Variants in KIRREL3 observed in about 807,000 individuals in gnomAD.
KIRREL3 encodes kirre like nephrin family adhesion molecule 3.
Under a neutral mutation model 89.7 loss-of-function variants are expected in KIRREL3, and 36 were observed. The ratio of observed to expected loss-of-function variants is 0.40; its 90% confidence interval spans 0.31 to 0.53. The LOEUF (loss-of-function observed/expected upper bound fraction) is 0.53, where lower values mean the gene tolerates loss of function less well. Among genes scored for constraint, KIRREL3 ranks in the 20% least tolerant of loss-of-function variants. KIRREL3 has a pLI of 0.49. For synonymous variants in KIRREL3, 445 were observed against 441.4 expected (o/e 1.01, Z -0.10); for missense variants, 864 against 1,056.6 (o/e 0.82, Z 2.53).
Position 126,948,788 on chromosome 11 carries a change from T to C in KIRREL3, c.55+51667A>G, listed in dbSNP as rs1039105963. Among the ~76,000 whole-genome samples, 8 of 152,190 alleles carry C rather than the reference T, an allele frequency of 5.3e-5. No individual in the cohort carries two copies. The highest frequency in any genetic ancestry group is 5.9e-5 in the Non-Finnish European group (4 of 68,030). ...GTTCAACTCCAGCAAGGCAGACAGC[T>C]GGATATGGGGAGGAGTTCAGAAGCC... is the stretch of plus-strand genomic sequence containing the variant. On this transcript the variant is annotated intron_variant, in intron 1 of 16. Transcript: ENST00000525144. This position sits in a 1 kb window ranked among gnomAD's most constrained non-coding sequence, Gnocchi z 4.5.
At chr11:126,777,530 C>G (rs917292785) in intron 1 of KIRREL3, among the ~76,000 whole-genome samples, 4 of 152,182 alleles carry the variant, frequency 2.6e-5, no homozygotes, top group South Asian at 4.1e-4. Context: ...GCAGAGCTGA[C>G]TCCCAGCACA....
At chr11:126,716,198 G>A (rs534543552) in intron 1 of KIRREL3, among the ~76,000 whole-genome samples, 2 of 152,070 alleles carry the variant, frequency 1.3e-5, no homozygotes, top group African/African-American at 4.8e-5. Context: ...TTGGGAAGGA[G>A]AGGGAGGCGG....
chr11:126,755,823 CAGAGAGAGAGAG>C lies in KIRREL3; in HGVS notation c.56-192923_56-192912del, dbSNP rs10616492. Among the ~76,000 whole-genome samples the C allele has an allele frequency of 0.24, 36,063 of 147,948 alleles. 4,295 individuals are homozygous for C. The highest frequency in any genetic ancestry group is 0.32 in the South Asian group (1,451 of 4,568). Reference sequence around the variant, plus strand: ...GCGTGCTCGCCATCTGCCATTCAGGCAGAGAGAGAGAGAGAGAGAGAGAGAGAGAGAGGGAGA... The same window carrying C: ...GCGTGCTCGCCATCTGCCATTCAGGCAGAGAGAGAGAGAGAGAGAGGGAGA... On this transcript the variant is annotated intron_variant, in intron 1 of 16. Transcript: ENST00000525144. This position sits in a 1 kb window ranked among gnomAD's most constrained non-coding sequence, Gnocchi z 4.3.
chr11:126,804,068 G>T (rs1592151024), intron 1 of KIRREL3, among the ~76,000 whole-genome samples: 1 of 152,158 alleles, frequency 6.6e-6, no homozygotes, highest in East Asian at 1.9e-4. Context: ...ATGCATGTTT[G>T]CTTGGGAATA....
chr11:126,938,046 T>G (rs1211153441), intron 1 of KIRREL3, among the ~76,000 whole-genome samples: 4 of 152,162 alleles, frequency 2.6e-5, no homozygotes, highest in Non-Finnish European at 5.9e-5. Context: ...TGGCAGCATC[T>G]CCCTAGAAGC....
intron 1 of KIRREL3, among the ~76,000 whole-genome samples, chr11:126,616,751 C>T (rs993078444): frequency 1.3e-5 from 2 of 152,314 alleles, no homozygotes; most frequent in South Asian, 2.1e-4. Flanking sequence ...CAGTGATCCT[C>T]GAGCCTTAGC....
chr11:126,426,439 A>C (rs1055276879), intron 15 of KIRREL3, among the ~76,000 whole-genome samples: 4 of 152,176 alleles, frequency 2.6e-5, no homozygotes, highest in African/African-American at 9.7e-5. Context: ...TTGGGATGGA[A>C]TCTCTTAATT....
In KIRREL3 at chr11:126,491,570, T is replaced by C. The variant is rs760486112; in HGVS notation, c.434-18104A>G. On this transcript the variant is annotated intron_variant, in intron 4 of 16. Transcript: ENST00000525144. This position sits in a 1 kb window ranked among gnomAD's most constrained non-coding sequence, Gnocchi z 5.5. ...GCCATATCAGGAACACCTGCCCATGTCTGTCCCCAGAGAGAAGACCCAGGA... is the reference window on the plus strand; with the variant it reads ...GCCATATCAGGAACACCTGCCCATGCCTGTCCCCAGAGAGAAGACCCAGGA... 6.6e-6 allele frequency among the ~76,000 whole-genome samples: 1 copy of C among 152,190 alleles called. No individual in the cohort carries two copies. Among genetic ancestry groups the C allele is most frequent in the African/African-American group, 2.4e-5 (1 of 41,456 alleles).
chr11:126,871,992 A>T (rs1945124791), intron 1 of KIRREL3, among the ~76,000 whole-genome samples: 2 of 152,206 alleles, frequency 1.3e-5, no homozygotes, highest in Admixed American at 6.5e-5. Flanking sequence ...TGGACTTTGT[A>T]CTTAATGCAG....
At position 126,703,200 on chromosome 11, in the gene KIRREL3, C is replaced by T. The variant is rs1181485368; in HGVS notation, c.56-140288G>A. 6.6e-6 allele frequency among the ~76,000 whole-genome samples: 1 copy of T among 152,238 alleles called. No individual in the cohort carries two copies. Among genetic ancestry groups the T allele is most frequent in the African/African-American group, 2.4e-5 (1 of 41,474 alleles). On this transcript the variant is annotated intron_variant, in intron 1 of 16. Transcript: ENST00000525144. The surrounding 1 kb of genome is among the most constrained non-coding windows in gnomAD (Gnocchi z 4.6). ...CAGCCGTGCTGCTTCCTGCCATTTA[C>T]TCCATCTGACCTACTTCACAGGCTG... is the stretch of plus-strand genomic sequence containing the variant.
At chr11:126,510,106 A>C (rs1016776033) in intron 4 of KIRREL3, among the ~76,000 whole-genome samples, 1 of 152,058 alleles carries the variant, frequency 6.6e-6, no homozygotes, top group Non-Finnish European at 1.5e-5. Context: ...TGGGGCTGAA[A>C]TTGTCTGGGC....
rs965706153 is a variant in KIRREL3 at position 126,519,772 on chromosome 11, A to T, written c.433+1543T>A. Among the ~76,000 whole-genome samples the T allele has an allele frequency of 6.6e-6, 1 of 152,150 alleles. No homozygotes were observed. The highest frequency in any genetic ancestry group is 2.4e-5 in the African/African-American group (1 of 41,434). ...TGCAATCCTCAAAATCAGAAACAAT[A>T]TGAGGCCCTAATTCCTCCTCCTCTC... On this transcript the variant is annotated intron_variant, in intron 4 of 16. Coordinates refer to ENST00000525144, the MANE Select transcript of KIRREL3 (RefSeq NM_032531.4). The surrounding 1 kb of genome is among the most constrained non-coding windows in gnomAD (Gnocchi z 4.3).
chr11:126,808,095 G>T lies in KIRREL3; in HGVS notation c.55+192360C>A, dbSNP rs1277436218. On this transcript the variant is annotated intron_variant, in intron 1 of 16. Coordinates refer to ENST00000525144, the MANE Select transcript of KIRREL3 (RefSeq NM_032531.4). This position sits in a 1 kb window ranked among gnomAD's most constrained non-coding sequence, Gnocchi z 4.1. ...AGATGTTGCACTGCAAGTGGTAGAT[G>T]CTCTCCAGGCCAGCTGCAGGACTGC... Among the ~76,000 whole-genome samples the T allele has an allele frequency of 6.6e-6, 1 of 152,188 alleles. No homozygotes were observed. The highest frequency in any genetic ancestry group is 1.5e-5 in the Non-Finnish European group (1 of 68,042).
intron 1 of KIRREL3, among the ~76,000 whole-genome samples, chr11:126,975,834 G>A (rs1949549318): frequency 1.3e-5 from 2 of 151,922 alleles, no homozygotes; most frequent in Non-Finnish European, 2.9e-5. Flanking sequence ...TGCTAAGTTC[G>A]CTAAGTTCCT....
In KIRREL3 at chr11:126,633,341, T is replaced by A. The variant is rs985479136; in HGVS notation, c.56-70429A>T. Among the ~76,000 whole-genome samples, 12 of 152,198 alleles carry A rather than the reference T, an allele frequency of 7.9e-5. No individual in the cohort carries two copies. The East Asian group carries it at 1.4e-3, about 17-fold the overall frequency. On this transcript the variant is annotated intron_variant, in intron 1 of 16. Transcript: ENST00000525144. Reference sequence around the variant, plus strand: ...CAAGTCTGCACACCTATCTCATTTTTAGAAGAAATAAAGAGAAACAAACAA... The same window carrying A: ...CAAGTCTGCACACCTATCTCATTTTAAGAAGAAATAAAGAGAAACAAACAA...
chr11:126,827,060 T>A (rs1943440864), intron 1 of KIRREL3, among the ~76,000 whole-genome samples: 1 of 152,182 alleles, frequency 6.6e-6, no homozygotes, highest in African/African-American at 2.4e-5. Flanking sequence ...TTTAATTTTG[T>A]CTGTATTTTC....
At chr11:126,596,036 T>G (rs2134727380) in intron 1 of KIRREL3, among the ~76,000 whole-genome samples, 1 of 152,264 alleles carries the variant, frequency 6.6e-6, no homozygotes, top group South Asian at 2.1e-4. Context: ...CCTTGGCCCC[T>G]AGGAAGGCAG....
rs1592121617 is a variant in KIRREL3 at position 126,782,971 on chromosome 11, G to A, written c.55+217484C>T. On this transcript the variant is annotated intron_variant, in intron 1 of 16. Coordinates refer to ENST00000525144, the MANE Select transcript of KIRREL3 (RefSeq NM_032531.4). This position sits in a 1 kb window ranked among gnomAD's most constrained non-coding sequence, Gnocchi z 4.1. ...AATGGCCAATTCTAGCACAGGATCA[G>A]GAAATACACAAGATGAACTGGAGCA... Among the ~76,000 whole-genome samples, 2 of 152,264 alleles carry A rather than the reference G, an allele frequency of 1.3e-5. No individual in the cohort carries two copies. The highest frequency in any genetic ancestry group is 3.9e-4 in the East Asian group (2 of 5,176).
At position 126,443,212 on chromosome 11, in the gene KIRREL3, C is replaced by T. The variant is rs540918899; in HGVS notation, c.1252+1767G>A. ...AGTGCATGAGTGAGTGTGAGGGTCC[C>T]GGGCTGGCTGGTCATAGGGCCAGCA... On this transcript the variant is annotated intron_variant, in intron 10 of 16. Coordinates refer to ENST00000525144, the MANE Select transcript of KIRREL3 (RefSeq NM_032531.4). The surrounding 1 kb of genome is among the most constrained non-coding windows in gnomAD (Gnocchi z 7.3). Among the ~76,000 whole-genome samples the T allele has an allele frequency of 2.0e-4, 30 of 152,242 alleles. No homozygotes were observed. The highest frequency in any genetic ancestry group is 3.4e-3 in the Middle Eastern group (1 of 294).
Sources: allele counts gnomAD v4.1 joint callset (sites outside exome capture counted in the v4.1 genomes callset), GRCh38; gene constraint gnomAD v4.1.1; non-coding constraint Gnocchi (gnomAD v3.1); transcripts MANE v1.5; gene names NCBI Gene and HGNC (gene_info 2026-07-23, HGNC 2026-07-21).